Variants in MGMT observed in about 807,000 individuals in gnomAD.
The protein encoded by MGMT is O-6-methylguanine-DNA methyltransferase, also known as methylated-DNA--protein-cysteine methyltransferase.
MGMT carries 14 observed loss-of-function variants against 15.9 expected under a neutral mutation model. That is an observed-to-expected ratio of 0.88 (90% CI 0.58 to 1.37). MGMT has a LOEUF of 1.37. MGMT is among the 40% of genes most tolerant of loss of function. The probability of loss-of-function intolerance (pLI) is 0.00; values close to 1 mark genes in which losing one functional copy is unlikely to be tolerated. For missense variants in MGMT, 282 were observed against 268.1 expected, an observed-to-expected ratio of 1.05 and a Z score of -0.36; for synonymous variants, 130 against 118.2, an observed-to-expected ratio of 1.10 and a Z score of -0.65.
At chr10:129,653,941 C>G (rs1424731220) in intron 2 of MGMT, among the ~76,000 whole-genome samples, 1 of 152,116 alleles carries the variant, frequency 6.6e-6, no homozygotes, top group South Asian at 2.1e-4. Flanking sequence ...GGTGGAGCCA[C>G]CTTTGGGGAT....
At chr10:129,489,571 T>C (rs1845446998) in intron 1 of MGMT, among the ~76,000 whole-genome samples, 1 of 152,088 alleles carries the variant, frequency 6.6e-6, no homozygotes, top group Non-Finnish European at 1.5e-5. Flanking sequence ...ATAAGATCTT[T>C]AGGATATGAA....
In MGMT at chr10:129,755,335, C is replaced by G. The variant is rs375754177; in HGVS notation, c.275-3867C>G. Among the ~76,000 whole-genome samples, 5 of 152,350 alleles carry G rather than the reference C, an allele frequency of 3.3e-5. No homozygotes were observed. In the East Asian group the frequency reaches 7.7e-4, roughly 24 times the overall value. The stretch of plus-strand genomic sequence containing the variant: ...GCTCCTGGGGATTCCCCTTCCAGGC[C>G]AGTGGCTGCTGCACAGGGATGTCCT... On this transcript the variant is annotated intron_variant, in intron 3 of 4. Coordinates refer to ENST00000651593, the MANE Select transcript of MGMT (RefSeq NM_002412.5).
chr10:129,743,032 C>T (rs187326465), intron 3 of MGMT, among the ~76,000 whole-genome samples: 59 of 152,310 alleles, frequency 3.9e-4, no homozygotes, highest in African/African-American at 1.3e-3. Flanking sequence ...GATTCAAGAG[C>T]CTCTGAAATC....
chr10:129,675,283 A>G (rs1441517900), intron 2 of MGMT, among the ~76,000 whole-genome samples: 1 of 152,166 alleles, frequency 6.6e-6, no homozygotes, highest in Non-Finnish European at 1.5e-5. Flanking sequence ...CCCTGGCTGT[A>G]GTGTGGTGAG....
intron 2 of MGMT, among the ~76,000 whole-genome samples, chr10:129,691,253 C>G (rs1847966362): frequency 6.6e-6 from 1 of 152,220 alleles, no homozygotes; most frequent in South Asian, 2.1e-4. Context: ...ACAGCTGTGT[C>G]TGTCCCCTGC....
chr10:129,734,795 C>T (rs1848541684), intron 3 of MGMT, among the ~76,000 whole-genome samples: 1 of 152,090 alleles, frequency 6.6e-6, no homozygotes, highest in African/African-American at 2.4e-5. Flanking sequence ...TGTCAAAGGC[C>T]TTTTCTGCAT....
chr10:129,592,294 A>G (rs1368147551), intron 2 of MGMT, among the ~76,000 whole-genome samples: 1 of 152,260 alleles, frequency 6.6e-6, no homozygotes. Flanking sequence ...AGTGAAAATC[A>G]TAATTTTGAG....
At chr10:129,553,523 T>A (rs1846181549) in intron 2 of MGMT, among the ~76,000 whole-genome samples, 1 of 152,090 alleles carries the variant, frequency 6.6e-6, no homozygotes, top group African/African-American at 2.4e-5. Flanking sequence ...TTTTGTTGAG[T>A]ACGTTCAACA....
chr10:129,529,081 T>A (rs1452781824), intron 1 of MGMT, among the ~76,000 whole-genome samples: 1 of 151,404 alleles, frequency 6.6e-6, no homozygotes, highest in African/African-American at 2.4e-5. Flanking sequence ...GTGAGTGAGA[T>A]GACAGTGGCC....
chr10:129,742,963 C>T (rs901617029), intron 3 of MGMT, among the ~76,000 whole-genome samples: 5 of 151,884 alleles, frequency 3.3e-5, no homozygotes, highest in Non-Finnish European at 1.5e-5. Flanking sequence ...CGGAAGATGG[C>T]AACTTGATGC....
chr10:129,641,545 G>A (rs1162944323), intron 2 of MGMT, among the ~76,000 whole-genome samples: 1 of 152,152 alleles, frequency 6.6e-6, no homozygotes, highest in African/African-American at 2.4e-5. Context: ...TTCAAGAATG[G>A]TCATTAAATT....
At chr10:129,545,905 C>G (rs1410072506) in intron 2 of MGMT, among the ~76,000 whole-genome samples, 1 of 152,166 alleles carries the variant, frequency 6.6e-6, no homozygotes, top group African/African-American at 2.4e-5. Context: ...TATTAATGTA[C>G]AGGGTAGCTC....
At chr10:129,766,005 G>A (rs1848929664) in intron 4 of MGMT, among the ~76,000 whole-genome samples, 1 of 152,170 alleles carries the variant, frequency 6.6e-6, no homozygotes, top group South Asian at 2.1e-4. Context: ...TGCACTGAAG[G>A]AGGCGCCCGC....
rs567523557 is a variant in MGMT, at chr10:129,637,190, C to T, written c.126-70705C>T. Among the ~76,000 whole-genome samples the T allele has an allele frequency of 1.1e-4, 16 of 152,284 alleles. 1 individual carries two copies. In the East Asian group the frequency reaches 3.1e-3, roughly 29 times the overall value. The stretch of plus-strand genomic sequence containing the variant: ...TGAGTGCCTTCAAGAGTGTTTTTGT[C>T]ATTCCCAGGGAGAACTAGTGCCCCT... On this transcript the variant is annotated intron_variant, in intron 2 of 4. Coordinates refer to ENST00000651593, the MANE Select transcript of MGMT (RefSeq NM_002412.5).
chr10:129,580,964 C>G (rs900393363), intron 2 of MGMT, among the ~76,000 whole-genome samples: 2 of 152,236 alleles, frequency 1.3e-5, no homozygotes, highest in African/African-American at 4.8e-5. Context: ...TCTGGTCCCA[C>G]TGACATGGCA....
chr10:129,575,915 A>C (rs1846476719), intron 2 of MGMT, among the ~76,000 whole-genome samples: 1 of 152,192 alleles, frequency 6.6e-6, no homozygotes, highest in African/African-American at 2.4e-5. Flanking sequence ...ACCTCTATGC[A>C]AATAAACTAG....
intron 2 of MGMT, among the ~76,000 whole-genome samples, chr10:129,664,203 C>T (rs1305394700): frequency 6.6e-6 from 1 of 151,976 alleles, no homozygotes; most frequent in Non-Finnish European, 1.5e-5. Flanking sequence ...TATAATCATG[C>T]AAAAAGGAAG....
At chr10:129,505,642 C>T (rs11016820) in intron 1 of MGMT, among the ~76,000 whole-genome samples, 23,181 of 152,098 alleles carry the variant, frequency 0.15, 2,451 homozygotes, top group East Asian at 0.29. Context: ...TCTTTGCTTG[C>T]TTATTGTACA....
intron 4 of MGMT, among the ~76,000 whole-genome samples, chr10:129,765,301 G>T (rs1003165213): frequency 2.6e-5 from 4 of 152,172 alleles, no homozygotes; most frequent in African/African-American, 9.7e-5. Flanking sequence ...ATGCTCCTGG[G>T]AAGCCATTCT....
Sources: gnomAD v4.1 joint callset for allele counts (sites outside exome capture counted in the v4.1 genomes callset) on GRCh38, gnomAD v4.1.1 for gene constraint, MANE v1.5 for transcripts, NCBI Gene and HGNC (gene_info 2026-07-23, HGNC 2026-07-21) for gene names.